Variants in PCDHA5 observed in about 807,000 individuals in gnomAD.
PCDHA5 encodes protocadherin alpha 5.
A neutral mutation model predicts 61.6 loss-of-function variants in PCDHA5; 43 were observed. The observed-to-expected ratio is 0.70, with a 90% confidence interval of 0.55 to 0.90. The LOEUF is 0.90. Ranked by LOEUF, PCDHA5 falls within the 40% of genes least tolerant of loss-of-function variation. The probability of loss-of-function intolerance (pLI) is 0.00; values close to 1 mark genes in which losing one functional copy is unlikely to be tolerated. For synonymous variants in PCDHA5, 627 were observed against 543.9 expected (o/e 1.15, Z -2.13); for missense variants, 1,298 against 1,222.7 (o/e 1.06, Z -0.92).
Position 141,011,124 on chromosome 5 carries a change from G to A in PCDHA5, c.*1187G>A, listed in dbSNP as rs893951024. ...TCTCTCTTTTCTAAGAAACAATTAT[G>A]TGCACTTTGATACACAACCTTCTCT... On this transcript the variant is annotated 3_prime_UTR_variant, in exon 4 of 4. Transcript: ENST00000529859. 1 of 153,618 alleles carries A rather than the reference G, an allele frequency of 6.5e-6. No individual in the cohort carries two copies. The highest frequency in any genetic ancestry group is 2.4e-5 in the African/African-American group (1 of 41,382). 9.5% of individuals were successfully genotyped at this position (153,618 alleles called of 1,614,324 possible).
At chr5:140,967,727 G>C in intron 1 of PCDHA5, 2 of 1,614,148 alleles carry the variant, frequency 1.2e-6, no homozygotes, top group Non-Finnish European at 1.7e-6. Flanking sequence ...GCGAGTAATT[G>C]GGGGGCTGGA....
intron 3 of PCDHA5, among the ~76,000 whole-genome samples, chr5:140,998,365 A>G (rs1434602564): frequency 6.6e-6 from 1 of 152,142 alleles, no homozygotes; most frequent in African/African-American, 2.4e-5. Context: ...ACCACTGCAC[A>G]CACCGTCTCT....
intron 1 of PCDHA5, among the ~76,000 whole-genome samples, chr5:140,888,278 C>G (rs1204327118): frequency 2.0e-5 from 3 of 151,932 alleles, no homozygotes; most frequent in African/African-American, 7.3e-5. Flanking sequence ...CAGTTTTGTC[C>G]CCTCTACCCC....
rs976104418 is a variant in PCDHA5 at position 140,967,290 on chromosome 5, C to G, written c.2353-11659C>G. The G allele has an allele frequency of 3.1e-6, 5 of 1,612,712 alleles. No individual in the cohort carries two copies. In the African/African-American group the frequency reaches 5.3e-5, roughly 17 times the overall value. ...TTTCACATAGAGAGTGCGCAGGACC[C>G]CGACGTGGGCGCCAACTCAGTACAG... On this transcript the variant is annotated intron_variant, in intron 1 of 3. Coordinates refer to ENST00000529859, the MANE Select transcript of PCDHA5 (RefSeq NM_018908.3).
chr5:140,864,848 T>A (rs1581726954), intron 1 of PCDHA5: 1 of 152,184 alleles, frequency 6.6e-6, no homozygotes, highest in Non-Finnish European at 1.5e-5. Flanking sequence ...AGTCTTCCCA[T>A]ACATGATGAA....
chr5:140,970,752 T>A (rs1324041619), intron 1 of PCDHA5, among the ~76,000 whole-genome samples: 1 of 152,244 alleles, frequency 6.6e-6, no homozygotes, highest in Non-Finnish European at 1.5e-5. Context: ...CAATATATTT[T>A]CATTGACATA....
chr5:140,843,487 G>A (rs2150361131), intron 1 of PCDHA5: 2 of 1,596,050 alleles, frequency 1.3e-6, no homozygotes, highest in Admixed American at 1.7e-5. Context: ...CTGCGCTGCG[G>A]TGCTCAGCAC....
At chr5:140,967,792 A>C (rs371669028) in intron 1 of PCDHA5, 5 of 1,614,212 alleles carry the variant, frequency 3.1e-6, no homozygotes, top group Non-Finnish European at 4.2e-6. Flanking sequence ...ACCGGGGTCC[A>C]GTGCCCATGG....
At chr5:140,866,293 T>TAG (rs2049266972) in intron 1 of PCDHA5, 1 of 152,272 alleles carries the variant, frequency 6.6e-6, no homozygotes, top group East Asian at 1.9e-4. Context: ...GGGACAAGTA[T>TAG]AGATGTTGAT....
intron 2 of PCDHA5, among the ~76,000 whole-genome samples, chr5:140,980,115 G>A (rs1263722649): frequency 6.6e-6 from 1 of 152,142 alleles, no homozygotes; most frequent in African/African-American, 2.4e-5. Flanking sequence ...ATTGGAACCT[G>A]GGTCATAATT....
At chr5:140,833,728 T>C (rs1554133934) in intron 1 of PCDHA5, among the ~76,000 whole-genome samples, 1 of 147,810 alleles carries the variant, frequency 6.8e-6, no homozygotes, top group Non-Finnish European at 1.5e-5. Context: ...TAGTTGCTAA[T>C]GTTTCTTGCC....
chr5:140,856,321 C>G lies in PCDHA5; in HGVS notation c.2352+32194C>G, dbSNP rs544932528. ...TGTTTGTGAATTCTCGGATTGACCG[C>G]GAGGAGCTGTGCGGGCGGAGCGTGG... On this transcript the variant is annotated intron_variant, in intron 1 of 3. Transcript: ENST00000529859. 15 of 1,598,548 alleles carry G rather than the reference C, an allele frequency of 9.4e-6. 2 individuals are homozygous for G. In the Admixed American group the frequency reaches 1.3e-4, roughly 14 times the overall value.
intron 1 of PCDHA5, chr5:140,841,424 G>A: frequency 6.2e-7 from 1 of 1,612,920 alleles, no homozygotes; most frequent in Non-Finnish European, 8.5e-7. Context: ...CCACTACTCC[G>A]TCCCCGAGGA....
intron 1 of PCDHA5, among the ~76,000 whole-genome samples, chr5:140,953,512 C>G (rs2094896275): frequency 6.6e-6 from 1 of 152,106 alleles, no homozygotes; most frequent in Non-Finnish European, 1.5e-5. Context: ...TAGGCCAAAG[C>G]AACAAAAACG....
chr5:140,836,890 G>A (rs1554136343), intron 1 of PCDHA5: 1 of 634,180 alleles, frequency 1.6e-6, no homozygotes, highest in East Asian at 2.9e-5. Flanking sequence ...TAATTATTTG[G>A]AAGTACGTTT....
intron 1 of PCDHA5, chr5:140,858,764 G>A: frequency 4.4e-6 from 2 of 451,976 alleles, no homozygotes; most frequent in South Asian, 5.7e-5. Context: ...ACAAATATTT[G>A]TGAGATTAGT....
At chr5:140,936,266 A>G (rs1407459228) in intron 1 of PCDHA5, among the ~76,000 whole-genome samples, 1 of 152,182 alleles carries the variant, frequency 6.6e-6, no homozygotes, top group African/African-American at 2.4e-5. Context: ...TCATGAAGAT[A>G]TATTCCTGTG....
intron 1 of PCDHA5, chr5:140,883,960 G>T (rs2059914384): frequency 3.1e-6 from 5 of 1,613,090 alleles, no homozygotes; most frequent in Non-Finnish European, 4.2e-6. Flanking sequence ...ACGCTCCGGC[G>T]CTGCTGACGC....
intron 1 of PCDHA5, among the ~76,000 whole-genome samples, chr5:140,878,370 T>C (rs1049956194): frequency 6.6e-6 from 1 of 152,272 alleles, no homozygotes; most frequent in African/African-American, 2.4e-5. Context: ...GTCTGACATA[T>C]GATGAATGAT....
Sources: gnomAD v4.1 joint callset for allele counts (sites outside exome capture counted in the v4.1 genomes callset) on GRCh38, gnomAD v4.1.1 for gene constraint, MANE v1.5 for transcripts, NCBI Gene and HGNC (gene_info 2026-07-23, HGNC 2026-07-21) for gene names.